PRICKLE1: variants seen among roughly 807,000 people sequenced by gnomAD.
The protein encoded by PRICKLE1 is prickle-like protein 1.
In PRICKLE1, 14 loss-of-function variants were observed where a neutral mutation model predicts 70.2. That is an observed-to-expected ratio of 0.20 (90% confidence interval 0.13 to 0.31). The LOEUF (loss-of-function observed/expected upper bound fraction) is 0.31, where lower values mean the gene tolerates loss of function less well. PRICKLE1 is among the 10% of genes least tolerant of loss of function. The pLI is 1.00. For missense variants in PRICKLE1, 821 were observed against 1,026.2 expected, an observed-to-expected ratio of 0.80 and a Z score of 2.73; for synonymous variants, 357 against 379.9, an observed-to-expected ratio of 0.94 and a Z score of 0.70.
At chr12:42,580,080 G>A (rs1405635735) in intron 1 of PRICKLE1, among the ~76,000 whole-genome samples, 5 of 151,782 alleles carry the variant, frequency 3.3e-5, no homozygotes, top group East Asian at 1.9e-4. Flanking sequence ...TCACCATGTT[G>A]GCCAGGCTGG....
At chr12:42,495,329 A>AG (rs993250525) in intron 1 of PRICKLE1, among the ~76,000 whole-genome samples, 3 of 147,492 alleles carry the variant, frequency 2.0e-5, no homozygotes, top group African/African-American at 7.5e-5. Context: ...GAGGTCACTG[A>AG]GATTGTGCCA....
intron 1 of PRICKLE1, among the ~76,000 whole-genome samples, chr12:42,490,962 C>T (rs1025970908): frequency 2.6e-5 from 4 of 151,992 alleles, no homozygotes; most frequent in African/African-American, 4.8e-5. Flanking sequence ...CCTCCACCTC[C>T]GGGTTCAGGC....
chr12:42,459,204 A>T lies in PRICKLE1; in HGVS notation c.*605T>A, dbSNP rs2140081497. 1 of 686,696 alleles carries T rather than the reference A, an allele frequency of 1.5e-6. No individual in the cohort carries two copies. The highest frequency in any genetic ancestry group is 2.7e-5 in the East Asian group (1 of 37,176). 42.5% of individuals were successfully genotyped at this position (686,696 alleles called of 1,614,324 possible). A position where few individuals can be genotyped will look rare whatever the true frequency, so the allele number is the denominator to read the frequency against. ...ACATTAATATTTGCACCGTTAAATT[A>T]GGAATACACTTAAGTCTATGAAATA... On this transcript the variant is annotated 3_prime_UTR_variant, in exon 8 of 8. Coordinates refer to ENST00000345127, the MANE Select transcript of PRICKLE1 (RefSeq NM_153026.3).
chr12:42,484,912 T>C (rs560804313), intron 1 of PRICKLE1, among the ~76,000 whole-genome samples: 1 of 152,222 alleles, frequency 6.6e-6, no homozygotes, highest in Non-Finnish European at 1.5e-5. Context: ...TATCACAAGG[T>C]GATAGAAATA....
chr12:42,498,740 C>T (rs1204505230), intron 1 of PRICKLE1, among the ~76,000 whole-genome samples: 1 of 152,218 alleles, frequency 6.6e-6, no homozygotes, highest in Non-Finnish European at 1.5e-5. Flanking sequence ...GCTCTGTCTC[C>T]ATCATTAGTC....
intron 1 of PRICKLE1, among the ~76,000 whole-genome samples, chr12:42,518,235 G>A (rs951252906): frequency 4.6e-5 from 7 of 152,038 alleles, no homozygotes; most frequent in African/African-American, 1.7e-4. Flanking sequence ...GTAGAGATGG[G>A]GTTTCAACAT....
At chr12:42,517,961 C>T (rs533905836) in intron 1 of PRICKLE1, among the ~76,000 whole-genome samples, 1 of 151,840 alleles carries the variant, frequency 6.6e-6, no homozygotes, top group East Asian at 1.9e-4. Context: ...AATGTCTCTC[C>T]CAGGCCTGGG....
rs1247156452 is a variant in PRICKLE1 at position 42,457,866 on chromosome 12, G to C, written c.*1943C>G. 1 of 152,252 alleles carries C rather than the reference G, an allele frequency of 6.6e-6. No individual in the cohort carries two copies. The allele number at this position is 152,252 out of a possible 1,614,324, so 9.4% of individuals were successfully genotyped here. ...GTAAGAGTGGTTACTTCTGGGGAGA[G>C]GACCTGGGGGACTGGGATGAAGAAT... On this transcript the variant is annotated 3_prime_UTR_variant, in exon 8 of 8. Transcript: ENST00000345127.
rs1555228608 is a variant in PRICKLE1 at position 42,457,177 on chromosome 12, C to CG, written c.*2631_*2632insC. 1 of 115,066 alleles carries CG rather than the reference C, an allele frequency of 8.7e-6. No individual in the cohort carries two copies. The highest frequency in any genetic ancestry group is 1.8e-5 in the Non-Finnish European group (1 of 55,796). 7.1% of individuals were successfully genotyped at this position (115,066 alleles called of 1,614,324 possible). ...GGGCAACAGGAGCGAAACTCCATCT[C>CG]AAAAAAAAAAAAAAAAGGAAAAGAA... On this transcript the variant is annotated 3_prime_UTR_variant, in exon 8 of 8. Transcript: ENST00000345127.
chr12:42,551,031 A>C (rs374765816), intron 1 of PRICKLE1, among the ~76,000 whole-genome samples: 2 of 152,236 alleles, frequency 1.3e-5, no homozygotes, highest in African/African-American at 4.8e-5. Flanking sequence ...AATGTGCCAC[A>C]GTCAGCACAA....
At position 42,458,627 on chromosome 12, in the gene PRICKLE1, G is replaced by A. The variant is rs572465188; in HGVS notation, c.*1182C>T. ...ATTGCTGTTAAAGGCCAACAAATTA[G>A]TGGGAGGGAAGGAATAAAAAGGAAT... On this transcript the variant is annotated 3_prime_UTR_variant, in exon 8 of 8. Coordinates refer to ENST00000345127, the MANE Select transcript of PRICKLE1 (RefSeq NM_153026.3). The A allele has an allele frequency of 2.0e-5, 3 of 152,300 alleles. No individual in the cohort carries two copies. Among genetic ancestry groups the A allele is most frequent in the Non-Finnish European group, 4.4e-5 (3 of 68,020 alleles). 9.4% of individuals were successfully genotyped at this position (152,300 alleles called of 1,614,324 possible).
At chr12:42,570,606 C>T (rs1055251869) in intron 1 of PRICKLE1, among the ~76,000 whole-genome samples, 3 of 152,070 alleles carry the variant, frequency 2.0e-5, no homozygotes, top group Admixed American at 6.5e-5. Context: ...GATCACCAGA[C>T]GTCGGGAGTT....
rs1169257923 is a variant in PRICKLE1 at position 42,526,756 on chromosome 12, A to C, written c.-48-54192T>G. 1.1e-4 allele frequency among the ~76,000 whole-genome samples: 3 copies of C among 27,830 alleles called. No individual in the cohort carries two copies. The East Asian group carries it at 4.8e-3, about 45-fold the overall frequency. The allele number at this position is 27,830 out of a possible 152,430, so 18.3% of individuals were successfully genotyped here. On this transcript the variant is annotated intron_variant, in intron 1 of 7. Coordinates refer to ENST00000345127, the MANE Select transcript of PRICKLE1 (RefSeq NM_153026.3). ...CCTTAAAAACACTCCTCTAAGCCAAAAAAAAAAAAAAAATGCTTAGAGGAG... is the reference window on the plus strand; with the variant it reads ...CCTTAAAAACACTCCTCTAAGCCAACAAAAAAAAAAAAATGCTTAGAGGAG...
chr12:42,556,970 T>C (rs910343892), intron 1 of PRICKLE1, among the ~76,000 whole-genome samples: 3 of 152,116 alleles, frequency 2.0e-5, no homozygotes, highest in Admixed American at 6.5e-5. Context: ...TGAACCTTTA[T>C]TTTGTTAAAA....
At chr12:42,548,031 G>A (rs1334255363) in intron 1 of PRICKLE1, among the ~76,000 whole-genome samples, 1 of 152,082 alleles carries the variant, frequency 6.6e-6, no homozygotes, top group East Asian at 1.9e-4. Context: ...ATGAGACAAA[G>A]TTTTTAAATT....
At chr12:42,584,752 A>G (rs182964050) in intron 1 of PRICKLE1, among the ~76,000 whole-genome samples, 3 of 152,342 alleles carry the variant, frequency 2.0e-5, no homozygotes, top group Admixed American at 2.0e-4. Flanking sequence ...GTCAAAGACC[A>G]TAATTGCAAG....
intron 1 of PRICKLE1, among the ~76,000 whole-genome samples, chr12:42,477,448 A>G (rs12299536): frequency 1.6e-5 from 2 of 127,310 alleles, no homozygotes; most frequent in Non-Finnish European, 3.2e-5. Context: ...ATGTGTATAT[A>G]TGTATATACG....
intron 1 of PRICKLE1, among the ~76,000 whole-genome samples, chr12:42,479,876 C>T (rs1043294417): frequency 6.6e-6 from 1 of 151,994 alleles, no homozygotes; most frequent in African/African-American, 2.4e-5. Context: ...ATTGCTTGAA[C>T]CTGGGAGGCA....
rs528082914 is a variant in PRICKLE1, at chr12:42,584,700, T to C, written c.-49+4765A>G. On this transcript the variant is annotated intron_variant, in intron 1 of 7. Transcript: ENST00000345127. Reference sequence around the variant, plus strand: ...ATGCAGCTGCTACATGCCGCCAATATTGTGTGTAATTGGAAACATTTCAAA... The same window carrying C: ...ATGCAGCTGCTACATGCCGCCAATACTGTGTGTAATTGGAAACATTTCAAA... Among the ~76,000 whole-genome samples the C allele has an allele frequency of 2.6e-5, 4 of 152,140 alleles. No homozygotes were observed. In the South Asian group the frequency reaches 8.3e-4, roughly 32 times the overall value.
Sources: gnomAD v4.1 joint callset for allele counts (sites outside exome capture counted in the v4.1 genomes callset) on GRCh38, gnomAD v4.1.1 for gene constraint, MANE v1.5 for transcripts, NCBI Gene and HGNC (gene_info 2026-07-23, HGNC 2026-07-21) for gene names.